Variants in LYN observed in about 807,000 individuals in gnomAD.
The protein encoded by LYN is LYN proto-oncogene, Src family tyrosine kinase.
In LYN, 12 loss-of-function variants were observed where a neutral mutation model predicts 65.0. The observed-to-expected ratio is 0.18, with a 90% CI of 0.12 to 0.30. The LOEUF (loss-of-function observed/expected upper bound fraction) is 0.30. Among genes scored for constraint, LYN ranks in the 10% least tolerant of loss-of-function variants. The pLI is 1.00. For synonymous variants in LYN, 222 were observed against 221.2 expected (o/e 1.00, Z -0.03); for missense variants, 380 against 623.2 (o/e 0.61, Z 4.16).
intron 10 of LYN, among the ~76,000 whole-genome samples, chr8:55,973,215 TG>T (rs1807659618): frequency 6.6e-6 from 1 of 152,252 alleles, no homozygotes; most frequent in Non-Finnish European, 1.5e-5. Flanking sequence ...AGTGGCTAAG[TG>T]CACGTGACAG....
intron 1 of LYN, among the ~76,000 whole-genome samples, chr8:55,929,314 G>A (rs1351112508): frequency 6.6e-6 from 1 of 152,168 alleles, no homozygotes; most frequent in African/African-American, 2.4e-5. Flanking sequence ...GTGAGACTAA[G>A]ACTTAGTGAG....
chr8:55,936,506 G>T (rs1331347955), intron 1 of LYN, among the ~76,000 whole-genome samples: 1 of 152,182 alleles, frequency 6.6e-6, no homozygotes, highest in Non-Finnish European at 1.5e-5. Flanking sequence ...CAGGTGTGGT[G>T]GTGGGCACCT....
chr8:55,994,105 A>G (rs532630418), intron 10 of LYN, among the ~76,000 whole-genome samples: 1 of 152,232 alleles, frequency 6.6e-6, no homozygotes, highest in Non-Finnish European at 1.5e-5. Flanking sequence ...ACTTAGCCGT[A>G]GTAAATAGAC....
intron 1 of LYN, among the ~76,000 whole-genome samples, chr8:55,920,469 T>C (rs1429501651): frequency 6.6e-6 from 1 of 152,240 alleles, no homozygotes; most frequent in East Asian, 1.9e-4. Context: ...CATTGTTTAC[T>C]TGCTCTGAGA....
chr8:55,972,666 C>T (rs1436004012), intron 10 of LYN, among the ~76,000 whole-genome samples: 1 of 152,208 alleles, frequency 6.6e-6, no homozygotes, highest in African/African-American at 2.4e-5. Flanking sequence ...CCTTCTCTAT[C>T]ATGTGCCACT....
intron 10 of LYN, among the ~76,000 whole-genome samples, chr8:55,978,499 G>A (rs2130546640): frequency 1.3e-5 from 2 of 152,336 alleles, no homozygotes; most frequent in East Asian, 3.9e-4. Flanking sequence ...GCGTGGACAG[G>A]CATTTTAGTA....
chr8:55,908,987 A>ATGTG (rs755720048), intron 1 of LYN, among the ~76,000 whole-genome samples: 21,966 of 71,134 alleles, frequency 0.31, 3,930 homozygotes, highest in Non-Finnish European at 0.36. Context: ...TCCATTGTGT[A>ATGTG]TGTATATATA....
intron 10 of LYN, among the ~76,000 whole-genome samples, chr8:55,996,177 T>C (rs1035057685): frequency 4.6e-5 from 7 of 152,120 alleles, no homozygotes; most frequent in African/African-American, 1.7e-4. Context: ...AAAGCTGTGA[T>C]CAGCAGCTGC....
intron 8 of LYN, among the ~76,000 whole-genome samples, chr8:55,958,732 G>T (rs1241672966): frequency 1.3e-5 from 2 of 152,078 alleles, no homozygotes; most frequent in African/African-American, 4.8e-5. Context: ...TTTGTCTCTG[G>T]CTTACTTCAC....
chr8:55,941,969 C>T lies in LYN; in HGVS notation c.110C>T (p.Thr37Met). The part of the protein sequence containing the change: ...TERTIYVRDP[T>M]SNKQQRPVPE... ...AGAACTATTTATGTGAGAGATCCAA[C>T]GTCCAATAAACAGCAAAGGCCAGTA... is the stretch of plus-strand genomic sequence containing the variant. The change falls in exon 2 of 13, where the codon ACG (threonine) becomes ATG (methionine). Residue 37 changes from threonine (T) to methionine (M), a missense_variant. Physicochemically the swap from Thr to Met is moderately conservative, Grantham distance 81. Coordinates refer to ENST00000519728, the MANE Select transcript of LYN (RefSeq NM_002350.4). 1 of 1,613,462 alleles carries T rather than the reference C, an allele frequency of 6.2e-7. No individual in the cohort carries two copies. Among genetic ancestry groups the T allele is most frequent in the South Asian group, 1.1e-5 (1 of 91,076 alleles).
At chr8:55,978,020 C>T (rs1807806054) in intron 10 of LYN, among the ~76,000 whole-genome samples, 1 of 152,202 alleles carries the variant, frequency 6.6e-6, no homozygotes, top group African/African-American at 2.4e-5. Context: ...GCTAGATTCT[C>T]AGGCCCTCTC....
chr8:55,964,930 C>T (rs1277625675), intron 8 of LYN, among the ~76,000 whole-genome samples: 2 of 152,196 alleles, frequency 1.3e-5, no homozygotes, highest in African/African-American at 2.4e-5. Context: ...CGTCACCTTT[C>T]CTTAGGTGGA....
At position 55,950,519 on chromosome 8, in the gene LYN, C is replaced by T; in HGVS notation, c.345C>T (p.Ser115=). ...LLTKKEGFIP[S]NYVAKLNTLE... ...CAAAAAAAGAAGGCTTCATCCCCAGCAACTATGTGGCCAAACTCAACACCT... is the reference window on the plus strand; with the variant it reads ...CAAAAAAAGAAGGCTTCATCCCCAGTAACTATGTGGCCAAACTCAACACCT... The change falls in exon 5 of 13, where the codon AGC becomes AGT. Residue 115 remains serine (S), a synonymous_variant. Coordinates refer to ENST00000519728, the MANE Select transcript of LYN (RefSeq NM_002350.4). The T allele has an allele frequency of 6.2e-7, 1 of 1,613,896 alleles. No individual in the cohort carries two copies. Among genetic ancestry groups the T allele is most frequent in the Non-Finnish European group, 8.5e-7 (1 of 1,179,968 alleles).
intron 1 of LYN, among the ~76,000 whole-genome samples, chr8:55,916,512 A>T (rs1291592255): frequency 2.6e-5 from 4 of 152,220 alleles, no homozygotes; most frequent in Non-Finnish European, 5.9e-5. Context: ...GAAGACATGT[A>T]TCTACACCGA....
chr8:55,909,040 CA>C (rs1563504925), intron 1 of LYN, among the ~76,000 whole-genome samples: 4,798 of 90,946 alleles, frequency 0.053, 631 homozygotes, highest in Non-Finnish European at 0.062. Context: ...CACACACACA[CA>C]CACACACACA....
intron 10 of LYN, among the ~76,000 whole-genome samples, chr8:55,979,485 C>T (rs939215577): frequency 7.2e-5 from 11 of 152,158 alleles, no homozygotes; most frequent in African/African-American, 1.9e-4. Context: ...CGCCTACCCT[C>T]GGAGCACGTG....
At chr8:55,959,457 A>G (rs1807213582) in intron 8 of LYN, among the ~76,000 whole-genome samples, 1 of 152,234 alleles carries the variant, frequency 6.6e-6, no homozygotes. Flanking sequence ...TTGTGCAGGT[A>G]AGTTCAATTG....
intron 10 of LYN, chr8:55,980,614 A>G (rs1392273207): frequency 6.6e-6 from 1 of 152,216 alleles, no homozygotes; most frequent in African/African-American, 2.4e-5. Flanking sequence ...TGGATTTTGG[A>G]TAAACACTAG....
At chr8:55,880,453 C>T (rs1195297528) in intron 1 of LYN, among the ~76,000 whole-genome samples, 2 of 152,166 alleles carry the variant, frequency 1.3e-5, no homozygotes, top group Non-Finnish European at 2.9e-5. Flanking sequence ...GGCTGCTGTC[C>T]CTGCTCCGGC....
Sources: gnomAD v4.1 joint callset for allele counts (sites outside exome capture counted in the v4.1 genomes callset) on GRCh38, gnomAD v4.1.1 for gene constraint, MANE v1.5 for transcripts, NCBI Gene and HGNC (gene_info 2026-07-23, HGNC 2026-07-21) for gene names.